Variants in VIL1 observed in about 807,000 individuals in gnomAD.
VIL1 encodes villin-1.
In VIL1, 86 loss-of-function variants were observed where a neutral mutation model predicts 104.0. The ratio of observed to expected loss-of-function variants is 0.83; its 90% CI spans 0.69 to 0.99. The LOEUF (loss-of-function observed/expected upper bound fraction) is 0.99. Ranked by LOEUF, VIL1 falls within the 50% of genes least tolerant of loss-of-function variation. VIL1 has a pLI of 0.00. For synonymous variants in VIL1, 394 were observed against 412.6 expected (o/e 0.95, Z 0.55); for missense variants, 944 against 1,054.1 (o/e 0.90, Z 1.45).
Position 218,440,725 on chromosome 2 carries a change from G to T in VIL1, c.2233G>T (p.Val745Phe), listed in dbSNP as rs1420688594. The T allele has an allele frequency of 1.9e-6, 3 of 1,613,878 alleles. No individual in the cohort carries two copies. Among genetic ancestry groups the T allele is most frequent in the East Asian group, 4.5e-5 (2 of 44,866 alleles). Residue 745 changes from valine to phenylalanine, a missense_variant, in exon 19 of 20, where the codon GTC becomes TTC. By Grantham distance (50) the Val-to-Phe change is conservative. Transcript: ENST00000248444. ...SRDWSQITAE[V>F]TSPKVDVFNA... ...GTGGTTTCCTTTTCTTTCCTAGGAGGTCACAAGCCCCAAAGTGGACGTGTT... is the reference window on the plus strand; with the variant it reads ...GTGGTTTCCTTTTCTTTCCTAGGAGTTCACAAGCCCCAAAGTGGACGTGTT...
rs753149343 is a variant in VIL1, at chr2:218,437,315, G to T, written c.2160+3G>T. ...CTTGGGATCCCTTCAAGTGGAGTGT[G>T]AGTGGCCTCATCCCAGCATGTCCTT... is the stretch of plus-strand genomic sequence containing the variant. On this transcript the variant is annotated splice_donor_region_variant and intron_variant, in intron 17 of 19. Coordinates refer to ENST00000248444, the MANE Select transcript of VIL1 (RefSeq NM_007127.3). 26 of 1,612,676 alleles carry T rather than the reference G, an allele frequency of 1.6e-5. No individual in the cohort carries two copies. Among genetic ancestry groups the T allele is most frequent in the Non-Finnish European group, 6.8e-6 (8 of 1,179,326 alleles).
At chr2:218,445,844 T>C (rs1689355760) in intron 19 of VIL1, among the ~76,000 whole-genome samples, 2 of 152,294 alleles carry the variant, frequency 1.3e-5, no homozygotes. Context: ...ATCATTATCA[T>C]CTTAGTGCTG....
intron 1 of VIL1, among the ~76,000 whole-genome samples, chr2:218,421,821 GCCAGTTAAC>G (rs1486429144): frequency 6.6e-6 from 1 of 152,138 alleles, no homozygotes; most frequent in Non-Finnish European, 1.5e-5. Flanking sequence ...TCCTCTTGCT[GCCAGTTAAC>G]CCTGGAATCA....
intron 17 of VIL1, among the ~76,000 whole-genome samples, chr2:218,438,260 G>A (rs1277918415): frequency 1.3e-5 from 2 of 152,182 alleles, no homozygotes; most frequent in African/African-American, 4.8e-5. Context: ...CTCTGTGGCA[G>A]GGCTCCCTTC....
chr2:218,434,876 T>C (rs750119274), intron 14 of VIL1, among the ~76,000 whole-genome samples, 171 bp downstream of exon 14: 1 of 152,200 alleles, frequency 6.6e-6, no homozygotes, highest in Non-Finnish European at 1.5e-5. Context: ...TCTGGGTCTA[T>C]CCTTCTGCCT....
Position 218,423,824 on chromosome 2 carries a change from AC to A in VIL1, c.50del (p.Pro17ArgfsTer73), listed in dbSNP as rs1452301630. On this transcript the variant is annotated frameshift_variant, in exon 2 of 20. Coordinates refer to ENST00000248444, the MANE Select transcript of VIL1 (RefSeq NM_007127.3). LOFTEE classifies it high-confidence loss of function. ...AQVKGSLNITTPGLQIWRIEA... is the reference protein window; with the variant it reads ...AQVKGSLNITXPGLQIWRIEA... ...AGTCAAAGGCTCTCTCAACATCACC[AC>A]CCCGGGGCTGCAGATATGGAGGATC... 2 of 1,613,414 alleles carry A rather than the reference AC, an allele frequency of 1.2e-6. No homozygotes were observed. The highest frequency in any genetic ancestry group is 2.7e-5 in the African/African-American group (2 of 74,704).
At chr2:218,441,646 A>G (rs1482057040) in intron 19 of VIL1, among the ~76,000 whole-genome samples, 1 of 152,142 alleles carries the variant, frequency 6.6e-6, no homozygotes. Context: ...CGTATCATGT[A>G]TCCTGGTGGT....
rs374312181 is a variant in VIL1 at position 218,437,228 on chromosome 2, G to C, written c.2076G>C (p.Glu692Asp). Residue 692 changes from glutamate (E) to aspartate (D), a missense_variant, in exon 17 of 20, where the codon GAG (glutamate) becomes GAC (aspartate). By Grantham distance (45) the Glu-to-Asp change is conservative. Coordinates refer to ENST00000248444, the MANE Select transcript of VIL1 (RefSeq NM_007127.3). ...LKTHPSGRDP[E>D]TPIIVVKQGH... is the part of the protein sequence containing the mutation. Reference sequence around the variant, plus strand: ...CCCATCCCAGCGGGCGTGACCCTGAGACCCCCATCATTGTGGTGAAGCAGG... The same window carrying C: ...CCCATCCCAGCGGGCGTGACCCTGACACCCCCATCATTGTGGTGAAGCAGG... The C allele has an allele frequency of 2.4e-5, 39 of 1,614,112 alleles. No homozygotes were observed. The highest frequency in any genetic ancestry group is 3.3e-5 in the Non-Finnish European group (39 of 1,180,050).
At chr2:218,437,893 C>G (rs1217943376) in intron 17 of VIL1, among the ~76,000 whole-genome samples, 1 of 152,166 alleles carries the variant, frequency 6.6e-6, no homozygotes. Context: ...AATGGAACTC[C>G]AGCAAAGGTT....
intron 19 of VIL1, among the ~76,000 whole-genome samples, chr2:218,447,682 T>C (rs777942726): frequency 9.2e-5 from 14 of 152,154 alleles, no homozygotes; most frequent in Non-Finnish European, 1.8e-4. Context: ...CTGCTTACTT[T>C]GTGGGCAGCT....
chr2:218,438,634 A>G, intron 17 of VIL1, 24 bp from the exon 18 acceptor site: 1 of 1,603,594 alleles, frequency 6.2e-7, no homozygotes, highest in Non-Finnish European at 8.5e-7. Context: ...TCCAGGTCTA[A>G]TCTGTTATTT....
At position 218,424,371 on chromosome 2, in the gene VIL1, G is replaced by T. The variant is rs778892290; in HGVS notation, c.150+20G>T. 12 of 1,612,550 alleles carry T rather than the reference G, an allele frequency of 7.4e-6. No individual in the cohort carries two copies. Among genetic ancestry groups the T allele is most frequent in the Non-Finnish European group, 9.3e-6 (11 of 1,179,556 alleles). Reference sequence around the variant, plus strand: ...CTGGCTGTGAGTCAGGGGCAGGGGAGGGGGCTGAGCAGAGAGCAAAACCCA... The same window carrying T: ...CTGGCTGTGAGTCAGGGGCAGGGGATGGGGCTGAGCAGAGAGCAAAACCCA... On this transcript the variant is annotated intron_variant, in intron 3 of 19. Coordinates refer to ENST00000248444, the MANE Select transcript of VIL1 (RefSeq NM_007127.3).
At chr2:218,439,071 C>T (rs1253936779) in intron 18 of VIL1, among the ~76,000 whole-genome samples, 2 of 151,716 alleles carry the variant, frequency 1.3e-5, no homozygotes, top group African/African-American at 2.4e-5. Context: ...GCTGGGATTA[C>T]AGGTGTGTGC....
At chr2:218,439,853 GA>G (rs1296344092) in intron 18 of VIL1, among the ~76,000 whole-genome samples, 1 of 136,238 alleles carries the variant, frequency 7.3e-6, no homozygotes, top group Non-Finnish European at 1.6e-5. Flanking sequence ...AAAAAGAAAA[GA>G]AAAAAAATGT....
Position 218,449,370 on chromosome 2 carries a change from CCCTG to C in VIL1, c.*35_*38del. ...GCTGTGGTTGTAAAGCAGTACCCTACCCTGATTGTAGGGTCTCATTTTCTCACCG... is the reference window on the plus strand; with the variant it reads ...GCTGTGGTTGTAAAGCAGTACCCTACATTGTAGGGTCTCATTTTCTCACCG... On this transcript the variant is annotated 3_prime_UTR_variant, in exon 20 of 20. Coordinates refer to ENST00000248444, the MANE Select transcript of VIL1 (RefSeq NM_007127.3). The C allele has an allele frequency of 6.5e-6, 10 of 1,527,810 alleles. No individual in the cohort carries two copies. The highest frequency in any genetic ancestry group is 2.3e-5 in the East Asian group (1 of 44,340). The allele number at this position is 1,527,810 out of a possible 1,614,324, so 94.6% of individuals were successfully genotyped here.
rs1484552102 is a variant in VIL1, at chr2:218,436,462, A to C, written c.1827-20A>C. The C allele has an allele frequency of 6.2e-7, 1 of 1,609,860 alleles. No individual in the cohort carries two copies. The highest frequency in any genetic ancestry group is 8.5e-7 in the Non-Finnish European group (1 of 1,177,836). ...GCCACACCTTCCTTCTGCCAGTACA[A>C]TCTTCTCTCCATCCTGCAGACTACA... On this transcript the variant is annotated intron_variant, in intron 15 of 19. Coordinates refer to ENST00000248444, the MANE Select transcript of VIL1 (RefSeq NM_007127.3).
Position 218,449,793 on chromosome 2 carries a change from C to T in VIL1, c.*457C>T, listed in dbSNP as rs1689438819. 1 of 167,676 alleles carries T rather than the reference C, an allele frequency of 6.0e-6. No individual in the cohort carries two copies. Among genetic ancestry groups the T allele is most frequent in the East Asian group, 1.5e-4 (1 of 6,550 alleles). 10.4% of individuals were successfully genotyped at this position (167,676 alleles called of 1,614,324 possible). A position where few individuals can be genotyped will look rare whatever the true frequency, so the allele number is the denominator to read the frequency against. ...CATATACTTTCCTTACTGCCTTACTCAGTGGGTAAGTTAAAGGGCTGAAGG... is the reference window on the plus strand; with the variant it reads ...CATATACTTTCCTTACTGCCTTACTTAGTGGGTAAGTTAAAGGGCTGAAGG... On this transcript the variant is annotated 3_prime_UTR_variant, in exon 20 of 20. Coordinates refer to ENST00000248444, the MANE Select transcript of VIL1 (RefSeq NM_007127.3).
chr2:218,429,629 G>A lies in VIL1; in HGVS notation c.803G>A (p.Arg268Lys), dbSNP rs766164425. Residue 268 changes from arginine (R) to lysine (K), a missense_variant, in exon 8 of 20, where the codon AGG (arginine) becomes AAG (lysine). Arg to Lys is a conservative substitution (Grantham distance 26, BLOSUM62 2). Coordinates refer to ENST00000248444, the MANE Select transcript of VIL1 (RefSeq NM_007127.3). Reference protein sequence around the residue: ...VSDSEGNLVVREVATRPLTQD... With the variant: ...VSDSEGNLVVKEVATRPLTQD... ...GACTCCGAGGGGAATCTGGTGGTGAGGGAAGTCGCCACACGGCCACTGACA... is the reference window on the plus strand; with the variant it reads ...GACTCCGAGGGGAATCTGGTGGTGAAGGAAGTCGCCACACGGCCACTGACA... 21 of 1,613,998 alleles carry A rather than the reference G, an allele frequency of 1.3e-5. No homozygotes were observed. The highest frequency in any genetic ancestry group is 6.8e-6 in the Non-Finnish European group (8 of 1,180,036).
chr2:218,438,418 TGA>T, intron 17 of VIL1, among the ~76,000 whole-genome samples: 1 of 152,238 alleles, frequency 6.6e-6, no homozygotes, highest in Admixed American at 6.5e-5. Context: ...CATGTCAGGC[TGA>T]GCTGGGACAA....
Sources: allele counts gnomAD v4.1 joint callset (sites outside exome capture counted in the v4.1 genomes callset), GRCh38; gene constraint gnomAD v4.1.1; transcripts MANE v1.5; gene names NCBI Gene and HGNC (gene_info 2026-07-23, HGNC 2026-07-21).